SLC24A2: variants seen among roughly 807,000 people sequenced by gnomAD.
The protein encoded by SLC24A2 is sodium/potassium/calcium exchanger 2.
A neutral mutation model predicts 62.0 loss-of-function variants in SLC24A2; 36 were observed. That is an observed-to-expected ratio of 0.58 (90% CI 0.44 to 0.77). SLC24A2 has a LOEUF of 0.77. Among genes scored for constraint, SLC24A2 ranks in the 30% least tolerant of loss-of-function variants. The pLI is 0.00. For synonymous variants in SLC24A2, 358 were observed against 294.0 expected (o/e 1.22, Z -2.23); for missense variants, 846 against 817.9 (o/e 1.03, Z -0.42).
the SLC24A2 span, among the ~76,000 whole-genome samples, chr9:19,954,766 T>A: frequency 6.6e-6 from 1 of 152,114 alleles, no homozygotes; most frequent in Non-Finnish European, 1.5e-5. Flanking sequence ...TTCCCTACAT[T>A]CTTCTGAGAG....
chr9:20,228,357 T>C, the SLC24A2 span, among the ~76,000 whole-genome samples: 5 of 152,026 alleles, frequency 3.3e-5, no homozygotes, highest in African/African-American at 1.2e-4. Flanking sequence ...CAGAGCGCTC[T>C]GAGTTGGGGG....
At chr9:20,009,334 G>T in the SLC24A2 span, among the ~76,000 whole-genome samples, 1 of 148,144 alleles carries the variant, frequency 6.8e-6, no homozygotes, top group Admixed American at 6.8e-5. Flanking sequence ...TTAGTGAGCT[G>T]AGATTGGGTT....
At chr9:20,298,715 T>C in the SLC24A2 span, among the ~76,000 whole-genome samples, 1 of 152,240 alleles carries the variant, frequency 6.6e-6, no homozygotes, top group Admixed American at 6.5e-5. Flanking sequence ...ATGTACTAAG[T>C]CATTTAATCT....
At chr9:19,630,350 G>A (rs1006457606) in intron 2 of SLC24A2, among the ~76,000 whole-genome samples, 3 of 152,156 alleles carry the variant, frequency 2.0e-5, no homozygotes, top group Middle Eastern at 3.4e-3. Flanking sequence ...TTTTAAAACT[G>A]ATATAATTGA....
intron 2 of SLC24A2, among the ~76,000 whole-genome samples, chr9:19,733,384 G>T (rs746484189): frequency 1.3e-5 from 2 of 152,068 alleles, no homozygotes; most frequent in Middle Eastern, 6.8e-3. Context: ...TCTTCTTTCC[G>T]TTCTCTTACA....
chr9:19,877,324 G>C, the SLC24A2 span, among the ~76,000 whole-genome samples: 105 of 145,072 alleles, frequency 7.2e-4, no homozygotes, highest in African/African-American at 2.5e-3. Context: ...TCCATAGTTT[G>C]TATATGAAAA....
At chr9:20,278,926 C>G in the SLC24A2 span, among the ~76,000 whole-genome samples, 3 of 152,168 alleles carry the variant, frequency 2.0e-5, no homozygotes, top group Non-Finnish European at 4.4e-5. Context: ...GTTTAATTGA[C>G]TCACAGTTCC....
At chr9:19,741,665 G>A (rs1291831133) in intron 2 of SLC24A2, among the ~76,000 whole-genome samples, 2 of 152,142 alleles carry the variant, frequency 1.3e-5, no homozygotes, top group African/African-American at 4.8e-5. Context: ...AACAATTCAT[G>A]TTAAGCATGC....
rs368742916 is a variant in SLC24A2 at position 19,624,901 on chromosome 9, A to T, written c.931-2602T>A. 5.9e-5 allele frequency among the ~76,000 whole-genome samples: 9 copies of T among 152,308 alleles called. No individual in the cohort carries two copies. In the South Asian group the frequency reaches 1.5e-3, roughly 25 times the overall value. ...CCTTGCTCTAATTGCATCCTGAAGC[A>T]GCCTCACAGTCCTGACAATATACAG... On this transcript the variant is annotated intron_variant, in intron 2 of 10. Coordinates refer to ENST00000341998, the MANE Select transcript of SLC24A2 (RefSeq NM_020344.4).
At chr9:19,583,148 G>T (rs1836258683) in intron 5 of SLC24A2, among the ~76,000 whole-genome samples, 1 of 152,158 alleles carries the variant, frequency 6.6e-6, no homozygotes, top group Admixed American at 6.5e-5. Flanking sequence ...TGACTGCCCT[G>T]ATCTTGTACG....
intron 2 of SLC24A2, among the ~76,000 whole-genome samples, chr9:19,768,955 G>C (rs1822600715): frequency 6.6e-6 from 1 of 152,032 alleles, no homozygotes; most frequent in Non-Finnish European, 1.5e-5. Context: ...ATTCATTCCT[G>C]GGTGATTTTA....
the SLC24A2 span, among the ~76,000 whole-genome samples, chr9:19,996,328 T>C: frequency 1.3e-5 from 2 of 152,208 alleles, no homozygotes; most frequent in African/African-American, 2.4e-5. Flanking sequence ...TCCTGTGAAA[T>C]TCCTCTGAAA....
At chr9:19,618,913 A>C (rs1817837430) in intron 4 of SLC24A2, among the ~76,000 whole-genome samples, 1 of 152,258 alleles carries the variant, frequency 6.6e-6, no homozygotes, top group Non-Finnish European at 1.5e-5. Context: ...GCAGCTGAAG[A>C]AACACAATGT....
At chr9:19,728,054 T>C (rs554958556) in intron 2 of SLC24A2, among the ~76,000 whole-genome samples, 3 of 152,066 alleles carry the variant, frequency 2.0e-5, no homozygotes, top group Admixed American at 2.0e-4. Flanking sequence ...GGTAAGGAAG[T>C]GGGGACTGGG....
intron 2 of SLC24A2, among the ~76,000 whole-genome samples, chr9:19,774,722 C>G (rs1019648614): frequency 1.3e-5 from 2 of 152,138 alleles, no homozygotes; most frequent in Non-Finnish European, 2.9e-5. Context: ...TACAGAGAAG[C>G]AGAAACTCAT....
At chr9:19,914,686 T>A in the SLC24A2 span, among the ~76,000 whole-genome samples, 4 of 152,080 alleles carry the variant, frequency 2.6e-5, no homozygotes. Flanking sequence ...AATAATCCCT[T>A]ATGACCTTGC....
chr9:20,296,111 T>C, the SLC24A2 span, among the ~76,000 whole-genome samples: 1 of 152,228 alleles, frequency 6.6e-6, no homozygotes, highest in Non-Finnish European at 1.5e-5. Context: ...TTATTACTGG[T>C]GCTGCAAAAG....
chr9:19,905,406 CTT>C, the SLC24A2 span, among the ~76,000 whole-genome samples: 169 of 144,052 alleles, frequency 1.2e-3, 1 homozygote, highest in African/African-American at 3.6e-3. Flanking sequence ...CTTCCCACCT[CTT>C]TTTTTTTTTT....
the SLC24A2 span, among the ~76,000 whole-genome samples, chr9:19,907,428 G>A: frequency 6.6e-6 from 1 of 152,196 alleles, no homozygotes; most frequent in Admixed American, 6.5e-5. Flanking sequence ...AGACAGGGAT[G>A]CCCTCTCTCA....
Sources: gnomAD v4.1 joint callset for allele counts (sites outside exome capture counted in the v4.1 genomes callset) on GRCh38, gnomAD v4.1.1 for gene constraint, MANE v1.5 for transcripts, NCBI Gene and HGNC (gene_info 2026-07-23, HGNC 2026-07-21) for gene names.